The following MAN1C1 variants were observed in gnomAD, a reference collection of about 807,000 sequenced individuals.
MAN1C1 encodes the protein mannosyl-oligosaccharide 1,2-alpha-mannosidase IC.
Under a neutral mutation model 71.5 loss-of-function variants are expected in MAN1C1, and 49 were observed. The observed-to-expected ratio is 0.69, with a 90% CI of 0.54 to 0.87. The LOEUF is 0.87. Among genes scored for constraint, MAN1C1 ranks in the 40% least tolerant of loss-of-function variants. The pLI, the probability that MAN1C1 is intolerant of heterozygous loss-of-function variation, is 0.00. For missense variants in MAN1C1, 743 were observed against 835.0 expected, an observed-to-expected ratio of 0.89 and a Z score of 1.36; for synonymous variants, 352 against 343.7, an observed-to-expected ratio of 1.02 and a Z score of -0.27.
intron 2 of MAN1C1, among the ~76,000 whole-genome samples, chr1:25,736,111 GT>G (rs1457168805): frequency 6.6e-6 from 1 of 152,178 alleles, no homozygotes; most frequent in African/African-American, 2.4e-5. Flanking sequence ...TTGATGTCTG[GT>G]GGGATGAGCG....
At position 25,734,767 on chromosome 1, in the gene MAN1C1, T is replaced by A. The variant is rs377422087; in HGVS notation, c.638-11901T>A. The stretch of plus-strand genomic sequence containing the variant: ...TGACCCTGCAGGGTCTGTGTAGGCT[T>A]AAATCAACCAGGCTTAGATCTAGCC... On this transcript the variant is annotated intron_variant, in intron 2 of 11. Coordinates refer to ENST00000374332, the MANE Select transcript of MAN1C1 (RefSeq NM_020379.4). Among the ~76,000 whole-genome samples the A allele has an allele frequency of 7.2e-5, 11 of 152,294 alleles. No homozygotes were observed. The South Asian group carries it at 2.3e-3, about 32-fold the overall frequency.
At chr1:25,690,298 T>A (rs1163986255) in intron 2 of MAN1C1, among the ~76,000 whole-genome samples, 1 of 148,676 alleles carries the variant, frequency 6.7e-6, no homozygotes, top group Non-Finnish European at 1.5e-5. Context: ...CTTTTTTTTT[T>A]TTTTTTTTTT....
At chr1:25,773,100 G>A (rs1197732617) in intron 8 of MAN1C1, among the ~76,000 whole-genome samples, 1 of 152,210 alleles carries the variant, frequency 6.6e-6, no homozygotes, top group African/African-American at 2.4e-5. Flanking sequence ...TCCCCAAATA[G>A]AATATCAGTT....
chr1:25,722,977 G>T (rs965147169), intron 2 of MAN1C1, among the ~76,000 whole-genome samples: 1 of 152,154 alleles, frequency 6.6e-6, no homozygotes, highest in South Asian at 2.1e-4. Context: ...ATTGTGACCT[G>T]TCTTTTCTGT....
At chr1:25,752,503 G>T (rs1415012568) in intron 4 of MAN1C1, among the ~76,000 whole-genome samples, 5 of 152,284 alleles carry the variant, frequency 3.3e-5, no homozygotes, top group Non-Finnish European at 1.5e-5. Flanking sequence ...GTATTTTGTT[G>T]CATGGAGCCA....
intron 2 of MAN1C1, among the ~76,000 whole-genome samples, chr1:25,721,152 A>G (rs2046760058): frequency 6.6e-6 from 1 of 151,768 alleles, no homozygotes; most frequent in African/African-American, 2.4e-5. Flanking sequence ...CCTTATATTT[A>G]TTTCCATATG....
chr1:25,765,110 A>G (rs1169754939), intron 7 of MAN1C1, among the ~76,000 whole-genome samples: 1 of 152,230 alleles, frequency 6.6e-6, no homozygotes, highest in African/African-American at 2.4e-5. Context: ...AATCAGTCCC[A>G]GAGTTTTCAG....
At chr1:25,768,246 ATC>A (rs2047479760) in intron 7 of MAN1C1, among the ~76,000 whole-genome samples, 1 of 36,138 alleles carries the variant, frequency 2.8e-5, no homozygotes, top group Non-Finnish European at 5.2e-5. Flanking sequence ...CCTCACACAC[ATC>A]CACACTCCCC....
Position 25,666,617 on chromosome 1 carries a change from T to TC in MAN1C1, c.541-19817dup, listed in dbSNP as rs945047039. ...TAACAGCAGCTGGAAAGGACCCCAC[T>TC]CCCCCCACCACTGGCAGCTGAGCCG... On this transcript the variant is annotated intron_variant, in intron 1 of 11. Transcript: ENST00000374332. Among the ~76,000 whole-genome samples the TC allele has an allele frequency of 7.0e-4, 107 of 152,052 alleles. 1 individual carries two copies. Among genetic ancestry groups the TC allele is most frequent in the Middle Eastern group, 3.4e-3 (1 of 294 alleles).
intron 2 of MAN1C1, among the ~76,000 whole-genome samples, chr1:25,727,455 C>G (rs971026641): frequency 2.0e-5 from 3 of 152,164 alleles, no homozygotes; most frequent in Non-Finnish European, 2.9e-5. Context: ...CTGCACCCAC[C>G]CTGCCCGAGA....
chr1:25,731,524 T>C (rs1362975982), intron 2 of MAN1C1, among the ~76,000 whole-genome samples: 1 of 152,234 alleles, frequency 6.6e-6, no homozygotes, highest in Non-Finnish European at 1.5e-5. Flanking sequence ...ATAAGGTAGC[T>C]GACCAGAAGT....
chr1:25,746,781 G>A lies in MAN1C1; in HGVS notation c.751G>A (p.Val251Met), dbSNP rs1355650720. Reference protein sequence around the residue: ...AWVGESFHLNVSGEASLFEVN... With the variant: ...AWVGESFHLNMSGEASLFEVN... The stretch of plus-strand genomic sequence containing the variant: ...GGTGGGAGAGAGCTTCCACCTGAAC[G>A]TGGTGAGTCAGAGGCCCTCGGCGGG... The change falls in exon 3 of 12, where the codon GTG becomes ATG. Residue 251 changes from valine (V) to methionine (M), a missense_variant and splice_region_variant. Transcript: ENST00000374332. This position sits in a 1 kb window ranked among gnomAD's most constrained non-coding sequence, Gnocchi z 4.0. The A allele has an allele frequency of 4.4e-6, 7 of 1,591,266 alleles. No individual in the cohort carries two copies. The East Asian group carries it at 9.0e-5, about 21-fold the overall frequency.
intron 1 of MAN1C1, among the ~76,000 whole-genome samples, chr1:25,671,784 T>C (rs1191642907): frequency 1.3e-5 from 2 of 152,202 alleles, no homozygotes; most frequent in Admixed American, 1.3e-4. Flanking sequence ...TACAGTTTAG[T>C]AGGTCAGGGG....
chr1:25,719,395 TTTTATTTA>T (rs76291035), intron 2 of MAN1C1, among the ~76,000 whole-genome samples: 13,241 of 139,824 alleles, frequency 0.095, 743 homozygotes, highest in African/African-American at 0.14. Context: ...ATTTTTTATC[TTTTATTTA>T]TTTATTTATT....
chr1:25,752,675 TC>T (rs2124352720), intron 4 of MAN1C1, among the ~76,000 whole-genome samples: 1 of 152,272 alleles, frequency 6.6e-6, no homozygotes, highest in African/African-American at 2.4e-5. Context: ...AGGTCACAGG[TC>T]CTTTTGAATT....
At chr1:25,669,246 G>T (rs993133623) in intron 1 of MAN1C1, among the ~76,000 whole-genome samples, 1 of 152,152 alleles carries the variant, frequency 6.6e-6, no homozygotes, top group Non-Finnish European at 1.5e-5. Flanking sequence ...GAAAATTCTG[G>T]TCTCTTGTTA....
In MAN1C1 at chr1:25,764,140, G is replaced by C. The variant is rs972704405; in HGVS notation, c.1141+173G>C. 9.9e-5 allele frequency among the ~76,000 whole-genome samples: 15 copies of C among 152,190 alleles called. No individual in the cohort carries two copies. The highest frequency in any genetic ancestry group is 2.1e-4 in the Non-Finnish European group (14 of 68,028). ...ACCTGCCTTCCCATGCATCCTGGGGGCTTGCCTGTGGTTGTCTGCTGCTGC... is the reference window on the plus strand; with the variant it reads ...ACCTGCCTTCCCATGCATCCTGGGGCCTTGCCTGTGGTTGTCTGCTGCTGC... On this transcript the variant is annotated intron_variant, in intron 7 of 11. Coordinates refer to ENST00000374332, the MANE Select transcript of MAN1C1 (RefSeq NM_020379.4). This position sits in a 1 kb window ranked among gnomAD's most constrained non-coding sequence, Gnocchi z 4.4.
chr1:25,686,052 C>T (rs143643786), intron 1 of MAN1C1, among the ~76,000 whole-genome samples: 265 of 152,296 alleles, frequency 1.7e-3, no homozygotes, highest in Non-Finnish European at 3.0e-3. Context: ...ATACCTAGCT[C>T]GGAGTGTTCC....
chr1:25,664,684 G>A (rs968553829), intron 1 of MAN1C1, among the ~76,000 whole-genome samples: 18 of 152,208 alleles, frequency 1.2e-4, no homozygotes, highest in African/African-American at 3.6e-4. Flanking sequence ...TGGGAAATAG[G>A]ATTCTGTAAA....
Sources: allele counts gnomAD v4.1 joint callset (sites outside exome capture counted in the v4.1 genomes callset), GRCh38; gene constraint gnomAD v4.1.1; non-coding constraint Gnocchi (gnomAD v3.1); transcripts MANE v1.5; gene names NCBI Gene and HGNC (gene_info 2026-07-23, HGNC 2026-07-21).